The following UGGT2 variants were observed in gnomAD, a reference collection of about 807,000 sequenced individuals.
UGGT2 encodes the protein UDP-glucose glycoprotein glucosyltransferase 2, also known as UDP-glucose:glycoprotein glucosyltransferase 2.
A neutral mutation model predicts 192.1 loss-of-function variants in UGGT2; 180 were observed. The observed-to-expected ratio is 0.94, with a 90% CI of 0.83 to 1.06. The LOEUF (loss-of-function observed/expected upper bound fraction) is 1.06, where lower values mean the gene tolerates loss of function less well. Ranked by LOEUF, UGGT2 falls within the 50% of genes least tolerant of loss-of-function variation. The pLI is 0.00. For missense variants in UGGT2, 1,849 were observed against 1,795.7 expected, an observed-to-expected ratio of 1.03 and a Z score of -0.54; for synonymous variants, 580 against 591.0, an observed-to-expected ratio of 0.98 and a Z score of 0.27.
At chr13:95,807,688 T>A (rs191000939) in intron 38 of UGGT2, among the ~76,000 whole-genome samples, 175 of 140,864 alleles carry the variant, frequency 1.2e-3, no homozygotes, top group Non-Finnish European at 2.2e-3. Flanking sequence ...CTTCTAGAAA[T>A]CCGTATCTTG....
intron 24 of UGGT2, among the ~76,000 whole-genome samples, chr13:95,892,275 A>G (rs1482415254): frequency 6.6e-6 from 1 of 152,158 alleles, no homozygotes; most frequent in East Asian, 1.9e-4. Flanking sequence ...TGTACAAGAC[A>G]GTTCTGAGTA....
chr13:95,931,454 A>G (rs1383527850), intron 17 of UGGT2, among the ~76,000 whole-genome samples: 1 of 151,578 alleles, frequency 6.6e-6, no homozygotes, highest in Non-Finnish European at 1.5e-5. Flanking sequence ...TCAGCCCTTG[A>G]GCGGTCAATG....
At position 95,920,231 on chromosome 13, in the gene UGGT2, C is replaced by T. The variant is rs1324932344; in HGVS notation, c.2295+5449G>A. Among the ~76,000 whole-genome samples, 3 of 152,234 alleles carry T rather than the reference C, an allele frequency of 2.0e-5. No homozygotes were observed. In the East Asian group the frequency reaches 5.8e-4, roughly 29 times the overall value. On this transcript the variant is annotated intron_variant, in intron 20 of 38. Transcript: ENST00000376747. The stretch of plus-strand genomic sequence containing the variant: ...AAAAACTTAAATGTAAAACCCGAAA[C>T]TATTAAAACTCTAGAAGAAAATCTA...
chr13:95,803,495 G>C (rs1315993375), intron 38 of UGGT2, among the ~76,000 whole-genome samples: 2 of 151,240 alleles, frequency 1.3e-5, no homozygotes, highest in African/African-American at 4.9e-5. Flanking sequence ...CCCGACCTCA[G>C]GTGATCCACC....
chr13:95,949,951 G>T (rs2050004370), intron 12 of UGGT2, among the ~76,000 whole-genome samples: 1 of 152,102 alleles, frequency 6.6e-6, no homozygotes, highest in African/African-American at 2.4e-5. Context: ...CATGTGGTCG[G>T]GGAAGCAACC....
chr13:95,863,732 A>G lies in UGGT2; in HGVS notation c.3559-18T>C. On this transcript the variant is annotated intron_variant, in intron 30 of 38. Transcript: ENST00000376747. The stretch of plus-strand genomic sequence containing the variant: ...TTTTTCACCTAGATAGCATGGCAAA[A>G]AAGATTAGAATTTGGCTGCTTTAAA... 1 of 1,593,148 alleles carries G rather than the reference A, an allele frequency of 6.3e-7. No individual in the cohort carries two copies. Among genetic ancestry groups the G allele is most frequent in the Admixed American group, 1.7e-5 (1 of 59,856 alleles).
In UGGT2 at chr13:95,943,252, C is replaced by G. The variant is rs577132974; in HGVS notation, c.1678-3161G>C. 3.9e-5 allele frequency among the ~76,000 whole-genome samples: 6 copies of G among 151,996 alleles called. No homozygotes were observed. In the East Asian group the frequency reaches 1.2e-3, roughly 29 times the overall value. On this transcript the variant is annotated intron_variant, in intron 15 of 38. Transcript: ENST00000376747. ...AAAATCCCCAAAATTCCACTTTGGT[C>G]GGAAATGCAATGAATTTAGAAATCA...
At chr13:95,803,058 T>A (rs1594043558) in intron 38 of UGGT2, among the ~76,000 whole-genome samples, 2 of 151,978 alleles carry the variant, frequency 1.3e-5, no homozygotes, top group East Asian at 3.9e-4. Flanking sequence ...ATGGTCTCGA[T>A]CTCCTGACCT....
At chr13:95,955,166 CT>C (rs1351467524) in intron 12 of UGGT2, among the ~76,000 whole-genome samples, 3 of 152,138 alleles carry the variant, frequency 2.0e-5, no homozygotes, top group African/African-American at 4.8e-5. Flanking sequence ...TTCAACAAAT[CT>C]TTTAAAAAGT....
chr13:95,899,515 G>A (rs2048042822), intron 22 of UGGT2, among the ~76,000 whole-genome samples: 1 of 151,886 alleles, frequency 6.6e-6, no homozygotes, highest in African/African-American at 2.4e-5. Context: ...GAAATAAGTT[G>A]AACATAACTG....
intron 20 of UGGT2, among the ~76,000 whole-genome samples, chr13:95,912,737 C>A (rs1301627525): frequency 2.6e-5 from 4 of 152,182 alleles, no homozygotes; most frequent in African/African-American, 4.8e-5. Flanking sequence ...GAAAAAACTA[C>A]TTTAAAGTTC....
At chr13:95,839,134 A>G (rs550839941) in intron 36 of UGGT2, among the ~76,000 whole-genome samples, 76 of 152,206 alleles carry the variant, frequency 5.0e-4, no homozygotes, top group Admixed American at 7.9e-4. Context: ...GCTGAGTTCC[A>G]TGAGTACAGG....
chr13:95,886,871 C>G (rs1488498682), intron 26 of UGGT2, among the ~76,000 whole-genome samples: 1 of 151,876 alleles, frequency 6.6e-6, no homozygotes, highest in Admixed American at 6.6e-5. Context: ...GGCAAGACCC[C>G]GTCTCTACAA....
chr13:95,972,431 C>A, intron 11 of UGGT2, 149 bp downstream of exon 11: 1 of 706,594 alleles, frequency 1.4e-6, no homozygotes, highest in East Asian at 2.8e-5. Context: ...TTGGGCTTGC[C>A]CATTTTGGTA....
rs778105505 is a variant in UGGT2, at chr13:95,937,084, C to G, written c.1817G>C (p.Gly606Ala). ...GCCAGTCATCTTATAAAAGCTTGCT[C>G]CAGCCTATTCAGTTAAAAAATATCA... is the stretch of plus-strand genomic sequence containing the variant. Reference protein sequence around the residue: ...HSKYDEERKAGASFYKMTGLG... With the variant: ...HSKYDEERKAAASFYKMTGLG... Residue 606 changes from glycine to alanine, a missense_variant, in exon 17 of 39, where the codon GGA (glycine) becomes GCA (alanine). By Grantham distance (60) the Gly-to-Ala change is moderately conservative. Transcript: ENST00000376747. The G allele has an allele frequency of 1.9e-6, 3 of 1,586,388 alleles. No individual in the cohort carries two copies. The highest frequency in any genetic ancestry group is 2.4e-5 in the South Asian group (2 of 84,658).
rs372983862 is a variant in UGGT2, at chr13:95,990,010, G to A, written c.894C>T (p.Asn298=). Residue 298 remains asparagine, a synonymous_variant, in exon 8 of 39, where the codon AAC becomes AAT. Coordinates refer to ENST00000376747, the MANE Select transcript of UGGT2 (RefSeq NM_020121.4). ...AGACTTTCAAAGGCATCATTTGTTT[G>A]TTACTCTCAATCAGGTATTTTTGGA... The part of the protein sequence containing the change: ...TAFQKYLIES[N]KQMMPLKVWE... The A allele has an allele frequency of 6.2e-6, 10 of 1,606,980 alleles. No individual in the cohort carries two copies. The African/African-American group carries it at 8.0e-5, about 13-fold the overall frequency.
chr13:96,000,758 A>G (rs1299762706), intron 5 of UGGT2, among the ~76,000 whole-genome samples: 1 of 152,160 alleles, frequency 6.6e-6, no homozygotes, highest in Non-Finnish European at 1.5e-5. Context: ...TCCTAAATTC[A>G]TATTTACTTT....
At chr13:95,985,560 G>GCT (rs2051264336) in intron 9 of UGGT2, among the ~76,000 whole-genome samples, 1 of 152,126 alleles carries the variant, frequency 6.6e-6, no homozygotes, top group Non-Finnish European at 1.5e-5. Flanking sequence ...CTAGTAGACT[G>GCT]CTCTCCAATT....
intron 38 of UGGT2, among the ~76,000 whole-genome samples, chr13:95,808,998 T>C (rs936228109): frequency 1.3e-5 from 2 of 152,200 alleles, no homozygotes; most frequent in South Asian, 2.1e-4. Context: ...CTTTGTATTA[T>C]AGGATATAAA....
Sources: gnomAD v4.1 joint callset for allele counts (sites outside exome capture counted in the v4.1 genomes callset) on GRCh38, gnomAD v4.1.1 for gene constraint, MANE v1.5 for transcripts, NCBI Gene and HGNC (gene_info 2026-07-23, HGNC 2026-07-21) for gene names.